Variants in GRM4 observed in about 807,000 individuals in gnomAD.
GRM4 encodes metabotropic glutamate receptor 4.
GRM4 carries 28 observed loss-of-function variants against 81.7 expected under a neutral mutation model. The observed-to-expected ratio is 0.34, with a 90% CI of 0.25 to 0.47. GRM4 has a LOEUF of 0.47. Ranked by LOEUF, GRM4 falls within the 20% of genes least tolerant of loss-of-function variation. The probability of loss-of-function intolerance (pLI) is 1.00; values close to 1 mark genes in which losing one functional copy is unlikely to be tolerated. For missense variants in GRM4, 948 were observed against 1,290.0 expected (o/e 0.73, Z 4.06); for synonymous variants, 488 against 528.8 (o/e 0.92, Z 1.06).
intron 3 of GRM4, among the ~76,000 whole-genome samples, chr6:34,086,603 G>C (rs1410319003): frequency 6.6e-6 from 1 of 152,198 alleles, no homozygotes; most frequent in Non-Finnish European, 1.5e-5. Context: ...GAGAGGACTA[G>C]AGACAAACTC....
chr6:34,059,390 G>GCCTACAT lies in GRM4; in HGVS notation c.873-269_873-263dup. 1.9e-6 allele frequency: 1 copy of GCCTACAT among 522,702 alleles called. No homozygotes were observed. Among genetic ancestry groups the GCCTACAT allele is most frequent in the South Asian group, 2.1e-5 (1 of 47,052 alleles). The allele number at this position is 522,702 out of a possible 1,614,324, so 32.4% of individuals were successfully genotyped here. The stretch of plus-strand genomic sequence containing the variant: ...CTGCAGGCCCAGCGTGATTCTCCAG[G>GCCTACAT]CCTACATCTGTCCCTGCAAAGACCA... On this transcript the variant is annotated intron_variant, in intron 4 of 10. Coordinates refer to ENST00000538487, the MANE Select transcript of GRM4 (RefSeq NM_000841.4). The surrounding 1 kb of genome is among the most constrained non-coding windows in gnomAD (Gnocchi z 5.7).
chr6:34,117,893 T>A (rs1294558743), intron 2 of GRM4, among the ~76,000 whole-genome samples: 1 of 152,060 alleles, frequency 6.6e-6, no homozygotes, highest in East Asian at 1.9e-4. Context: ...AGATCTCACA[T>A]CCAACCAGCC....
chr6:34,100,327 G>A (rs540340697), intron 2 of GRM4, among the ~76,000 whole-genome samples: 9 of 152,302 alleles, frequency 5.9e-5, no homozygotes, highest in Non-Finnish European at 8.8e-5. Context: ...TCCTCTGCCC[G>A]TATAACCTAT....
intron 1 of GRM4, among the ~76,000 whole-genome samples, chr6:34,135,016 GCCAAACCCAAGGCCCCCT>G (rs61552929): frequency 0.06 from 9,151 of 152,190 alleles, 571 homozygotes; most frequent in African/African-American, 0.16. Context: ...TTGGCTGGGG[GCCAAACCCAAGGCCCCCT>G]TCCCCAGGGG....
rs537542251 is a variant in GRM4 at position 34,044,229 on chromosome 6, G to GAC, written c.1169-3483_1169-3482dup. Among the ~76,000 whole-genome samples the GAC allele has an allele frequency of 4.3e-4, 51 of 117,776 alleles. 1 individual carries two copies. Among genetic ancestry groups the GAC allele is most frequent in the African/African-American group, 1.8e-3 (47 of 26,818 alleles). The allele number at this position is 117,776 out of a possible 152,430, so 77.3% of individuals were successfully genotyped here. ...ATATACATACATACACATATATACA[G>GAC]ACACACACATACACACACAGAGACA... On this transcript the variant is annotated intron_variant, in intron 6 of 10. Transcript: ENST00000538487.
chr6:34,110,908 G>A, intron 2 of GRM4: 4 of 1,219,420 alleles, frequency 3.3e-6, no homozygotes, highest in Non-Finnish European at 4.2e-6. Context: ...CTGGGAGTAT[G>A]GACAGTAAGA....
intron 3 of GRM4, chr6:34,091,526 A>G (rs967040361): frequency 2.0e-5 from 5 of 245,550 alleles, no homozygotes; most frequent in Non-Finnish European, 3.9e-5. Context: ...CTGTCCGCCC[A>G]TCACCTGAGT....
At chr6:34,075,515 C>A (rs888774807) in intron 3 of GRM4, among the ~76,000 whole-genome samples, 10 of 152,234 alleles carry the variant, frequency 6.6e-5, no homozygotes, top group African/African-American at 2.2e-4. Context: ...CCCTTTCCTG[C>A]AGTGGAAGCT....
Position 34,020,629 on chromosome 6 carries a change from T to C in GRM4, c.*2192A>G, listed in dbSNP as rs2127431156. The C allele has an allele frequency of 6.6e-6, 1 of 151,594 alleles. No homozygotes were observed. Among genetic ancestry groups the C allele is most frequent in the East Asian group, 2.0e-4 (1 of 5,114 alleles). The allele number at this position is 151,594 out of a possible 1,614,324, so 9.4% of individuals were successfully genotyped here. A position where few individuals can be genotyped will look rare whatever the true frequency, so the allele number is the denominator to read the frequency against. On this transcript the variant is annotated 3_prime_UTR_variant, in exon 11 of 11. Coordinates refer to ENST00000538487, the MANE Select transcript of GRM4 (RefSeq NM_000841.4). ...GGGCTGGAGCACTGGGTGGAATCTT[T>C]CCTGGGCAGAGGTCTTAGGAACCAT...
intron 1 of GRM4, among the ~76,000 whole-genome samples, chr6:34,154,058 A>G (rs1183770982): frequency 6.6e-6 from 1 of 152,214 alleles, no homozygotes; most frequent in Non-Finnish European, 1.5e-5. Context: ...GCACTCTCCC[A>G]AGTGTCACGC....
intron 10 of GRM4, chr6:34,024,607 G>T (rs1355534134): frequency 2.2e-6 from 1 of 453,674 alleles, no homozygotes; most frequent in African/African-American, 2.0e-5. Context: ...GAGCAGAGGG[G>T]TCCACCATGG....
chr6:34,101,019 G>C (rs1768809079), intron 2 of GRM4, among the ~76,000 whole-genome samples: 1 of 152,208 alleles, frequency 6.6e-6, no homozygotes, highest in Non-Finnish European at 1.5e-5. Context: ...CCTCACCTAT[G>C]CTGACAGACA....
intron 3 of GRM4, 138 bp from the exon 4 acceptor site, chr6:34,062,166 G>T: frequency 1.1e-6 from 1 of 870,128 alleles, no homozygotes; most frequent in Non-Finnish European, 1.7e-6. Flanking sequence ...TGGGATCCCA[G>T]CCTCTGGATA....
At chr6:34,131,170 AT>A (rs1287551723) in intron 2 of GRM4, among the ~76,000 whole-genome samples, 8 of 152,234 alleles carry the variant, frequency 5.3e-5, no homozygotes, top group African/African-American at 1.9e-4. Context: ...CCAGGCTACC[AT>A]TCCCAAACCA....
chr6:34,031,963 TCTC>T lies in GRM4; in HGVS notation c.2443-3600_2443-3598del, dbSNP rs1247640166. Among the ~76,000 whole-genome samples the T allele has an allele frequency of 2.5e-3, 376 of 151,910 alleles. 2 individuals carry two copies. The highest frequency in any genetic ancestry group is 8.3e-3 in the African/African-American group (345 of 41,376). The stretch of plus-strand genomic sequence containing the variant: ...CTGACTCAGCTGGGCTCTCTCTCTC[TCTC>T]TCTCACACACACACAAACACACACA... On this transcript the variant is annotated intron_variant, in intron 9 of 10. Coordinates refer to ENST00000538487, the MANE Select transcript of GRM4 (RefSeq NM_000841.4).
rs1375808367 is a variant in GRM4, at chr6:34,028,220, G to A, written c.2589C>T (p.Val863=). ...TGTTGGACATGGTGGCCGCCGTAAC[G>A]ACGGCTTTGAGGCTGCGCTTGCGCT... ...VPKRKRSLKA[V]VTAATMSNKF... is the part of the protein sequence containing the mutation. The change falls in exon 10 of 11, where the codon GTC becomes GTT. Residue 863 remains valine (V), a synonymous_variant. Coordinates refer to ENST00000538487, the MANE Select transcript of GRM4 (RefSeq NM_000841.4). 2 of 1,614,068 alleles carry A rather than the reference G, an allele frequency of 1.2e-6. No individual in the cohort carries two copies. The highest frequency in any genetic ancestry group is 1.7e-6 in the Non-Finnish European group (2 of 1,180,018).
chr6:34,113,005 T>G (rs1464664821), intron 2 of GRM4, among the ~76,000 whole-genome samples: 1 of 152,244 alleles, frequency 6.6e-6, no homozygotes, highest in Non-Finnish European at 1.5e-5. Context: ...CCTTTGGTCA[T>G]TCCCTCTGGG....
chr6:34,074,600 G>A lies in GRM4; in HGVS notation c.737-12572C>T, dbSNP rs138675229. Reference sequence around the variant, plus strand: ...TCAGAGCTGAGCCCTGCCGTCCCCTGCCAGGAGAGGAGGCCGCTGGGCAGC... The same window carrying A: ...TCAGAGCTGAGCCCTGCCGTCCCCTACCAGGAGAGGAGGCCGCTGGGCAGC... On this transcript the variant is annotated intron_variant, in intron 3 of 10. Coordinates refer to ENST00000538487, the MANE Select transcript of GRM4 (RefSeq NM_000841.4). This position sits in a 1 kb window ranked among gnomAD's most constrained non-coding sequence, Gnocchi z 4.9. 2.2e-5 allele frequency among the ~76,000 whole-genome samples: 3 copies of A among 138,650 alleles called. No individual in the cohort carries two copies. The highest frequency in any genetic ancestry group is 2.2e-4 in the South Asian group (1 of 4,478). 91.0% of individuals were successfully genotyped at this position (138,650 alleles called of 152,430 possible). A position where few individuals can be genotyped will look rare whatever the true frequency, so the allele number is the denominator to read the frequency against.
At chr6:34,113,683 G>A (rs73412893) in intron 2 of GRM4, among the ~76,000 whole-genome samples, 3,712 of 152,272 alleles carry the variant, frequency 0.024, 108 homozygotes, top group African/African-American at 0.074. Flanking sequence ...TGAGGCTGAC[G>A]ACTCTCTGGG....
Sources: gnomAD v4.1 joint callset for allele counts (sites outside exome capture counted in the v4.1 genomes callset) on GRCh38, gnomAD v4.1.1 for gene constraint, Gnocchi (gnomAD v3.1) non-coding constraint, MANE v1.5 for transcripts, NCBI Gene and HGNC (gene_info 2026-07-23, HGNC 2026-07-21) for gene names.